Variants in EYS observed in about 807,000 individuals in gnomAD.
EYS encodes the protein protein eyes shut homolog.
EYS carries 250 observed loss-of-function variants against 282.1 expected under a neutral mutation model. That is an observed-to-expected ratio of 0.89 (90% CI 0.80 to 0.98). The LOEUF (loss-of-function observed/expected upper bound fraction) is 0.98. Ranked by LOEUF, EYS falls within the 50% of genes least tolerant of loss-of-function variation. The pLI is 0.00. For missense variants in EYS, 4,016 were observed against 3,709.0 expected (o/e 1.08, Z -2.15); for synonymous variants, 1,355 against 1,282.9 (o/e 1.06, Z -1.20).
chr6:63,968,418 T>C (rs1766406200), intron 35 of EYS, among the ~76,000 whole-genome samples: 2 of 152,146 alleles, frequency 1.3e-5, no homozygotes, highest in East Asian at 1.9e-4. Flanking sequence ...ATGCATCTAA[T>C]TGGGGGAAAA....
At chr6:63,929,482 C>T (rs559206993) in intron 35 of EYS, among the ~76,000 whole-genome samples, 3 of 152,278 alleles carry the variant, frequency 2.0e-5, no homozygotes, top group South Asian at 2.1e-4. Context: ...CCTTTAATTT[C>T]GTAGAATCAT....
At chr6:65,703,103 T>G (rs1249028265) in intron 1 of EYS, among the ~76,000 whole-genome samples, 1 of 152,148 alleles carries the variant, frequency 6.6e-6, no homozygotes, top group Non-Finnish European at 1.5e-5. Context: ...CCCTAGATCT[T>G]CAGCAGCTGG....
In EYS at chr6:65,138,173, GA is replaced by G. The variant is rs1395864611; in HGVS notation, c.2024-80447del. ...ATGAGAGGATTTGAGTCCTATTGAG[GA>G]AAAAATTAATTACTTAAATTAGGGA... On this transcript the variant is annotated intron_variant, in intron 12 of 42. Transcript: ENST00000503581. Among the ~76,000 whole-genome samples, 33 of 152,042 alleles carry G rather than the reference GA, an allele frequency of 2.2e-4. 2 individuals carry two copies. Among genetic ancestry groups the G allele is most frequent in the Admixed American group, 2.1e-3 (32 of 15,254 alleles).
At chr6:65,045,447 T>C (rs1413965570) in intron 13 of EYS, among the ~76,000 whole-genome samples, 1 of 151,852 alleles carries the variant, frequency 6.6e-6, no homozygotes, top group Non-Finnish European at 1.5e-5. Context: ...GTTTTGGAGA[T>C]GGAGTCTTTG....
intron 28 of EYS, 37 bp downstream of exon 28, chr6:64,436,137 T>G: frequency 1.6e-6 from 2 of 1,278,792 alleles, no homozygotes; most frequent in African/African-American, 3.0e-5. Flanking sequence ...CCTTTGCTAC[T>G]TAATGAGATT....
At chr6:65,025,768 G>A (rs1475571698) in intron 13 of EYS, among the ~76,000 whole-genome samples, 2 of 152,084 alleles carry the variant, frequency 1.3e-5, no homozygotes, top group Non-Finnish European at 2.9e-5. Context: ...CCTGAATCTT[G>A]AATTTTAGGT....
chr6:64,456,074 A>G (rs778197241), intron 26 of EYS, among the ~76,000 whole-genome samples: 33 of 152,196 alleles, frequency 2.2e-4, no homozygotes, highest in Admixed American at 5.9e-4. Context: ...TTCATTGTTC[A>G]TGATACCTTT....
At chr6:64,704,475 AATTAT>A (rs1770908311) in intron 22 of EYS, among the ~76,000 whole-genome samples, 1 of 26,980 alleles carries the variant, frequency 3.7e-5, no homozygotes, top group East Asian at 5.8e-4. Context: ...TAATACTTAT[AATTAT>A]ATTATAATTA....
intron 13 of EYS, among the ~76,000 whole-genome samples, chr6:65,055,614 C>T (rs947030362): frequency 2.0e-5 from 3 of 151,964 alleles, no homozygotes; most frequent in Admixed American, 1.3e-4. Flanking sequence ...CTTCTCTTGG[C>T]TTTGAAAGTT....
At chr6:63,786,892 G>GA (rs1215475485) in intron 39 of EYS, among the ~76,000 whole-genome samples, 1 of 152,056 alleles carries the variant, frequency 6.6e-6, no homozygotes, top group Non-Finnish European at 1.5e-5. Flanking sequence ...GGGAACCATG[G>GA]ATTTATGGTA....
At chr6:63,787,596 T>A (rs1387872281) in intron 39 of EYS, among the ~76,000 whole-genome samples, 3 of 152,190 alleles carry the variant, frequency 2.0e-5, no homozygotes, top group Non-Finnish European at 4.4e-5. Flanking sequence ...AGTGCAGAAA[T>A]CTTTGATTTG....
At chr6:64,464,485 A>G (rs1775853780) in intron 26 of EYS, among the ~76,000 whole-genome samples, 1 of 152,158 alleles carries the variant, frequency 6.6e-6, no homozygotes. Flanking sequence ...CCAAATTGAA[A>G]AAGAAATAGT....
Position 64,281,766 on chromosome 6 carries a change from T to C in EYS, c.6191+25204A>G, listed in dbSNP as rs570362541. 2.0e-4 allele frequency among the ~76,000 whole-genome samples: 30 copies of C among 152,262 alleles called. No individual in the cohort carries two copies. The East Asian group carries it at 5.6e-3, about 28-fold the overall frequency. On this transcript the variant is annotated intron_variant, in intron 30 of 42. Transcript: ENST00000503581. ...TCTGGATTTTTCATATTAATTATTG[T>C]GCATATATGGCATGATTTTCAATGT...
intron 33 of EYS, among the ~76,000 whole-genome samples, chr6:64,000,345 C>T (rs1231608996): frequency 6.6e-6 from 1 of 150,970 alleles, no homozygotes; most frequent in Non-Finnish European, 1.5e-5. Flanking sequence ...GCGCCCGCCA[C>T]CACGCCAGGC....
chr6:64,496,581 G>A (rs1209482953), intron 26 of EYS, among the ~76,000 whole-genome samples: 1 of 151,752 alleles, frequency 6.6e-6, no homozygotes, highest in East Asian at 1.9e-4. Flanking sequence ...CTTAAGTAGA[G>A]TTCAGTCTTG....
chr6:65,439,665 T>C (rs1162205979), intron 5 of EYS, among the ~76,000 whole-genome samples: 1 of 152,160 alleles, frequency 6.6e-6, no homozygotes, highest in African/African-American at 2.4e-5. Context: ...GTTATTGGTG[T>C]ATAAGAATGC....
At chr6:63,972,234 T>A (rs1230263900) in intron 35 of EYS, among the ~76,000 whole-genome samples, 1 of 152,234 alleles carries the variant, frequency 6.6e-6, no homozygotes, top group East Asian at 1.9e-4. Context: ...ACATGTGACA[T>A]TTTATGAATT....
intron 15 of EYS, among the ~76,000 whole-genome samples, chr6:64,930,283 G>A (rs1488723802): frequency 6.6e-6 from 1 of 151,892 alleles, no homozygotes; most frequent in Admixed American, 6.6e-5. Flanking sequence ...TATACCATAA[G>A]AGGATGAGTG....
At chr6:65,506,088 A>T (rs2127281897) in intron 2 of EYS, among the ~76,000 whole-genome samples, 1 of 152,246 alleles carries the variant, frequency 6.6e-6, no homozygotes, top group South Asian at 2.1e-4. Context: ...TAGGATTGTT[A>T]TGTCTGTTTG....
Sources: allele counts gnomAD v4.1 joint callset (sites outside exome capture counted in the v4.1 genomes callset), GRCh38; gene constraint gnomAD v4.1.1; transcripts MANE v1.5; gene names NCBI Gene and HGNC (gene_info 2026-07-23, HGNC 2026-07-21).